The following PLCXD3 variants were observed in gnomAD, a reference collection of about 807,000 sequenced individuals.
PLCXD3 encodes the protein phosphatidylinositol specific phospholipase C X domain containing 3, also known as PI-PLC X domain-containing protein 3.
A neutral mutation model predicts 25.5 loss-of-function variants in PLCXD3; 19 were observed. That is an observed-to-expected ratio of 0.75 (90% CI 0.52 to 1.09). The LOEUF (loss-of-function observed/expected upper bound fraction) is 1.09, where lower values mean the gene tolerates loss of function less well. Among genes scored for constraint, PLCXD3 ranks in the 50% least tolerant of loss-of-function variants. The pLI, the probability that PLCXD3 is intolerant of heterozygous loss-of-function variation, is 0.00. For missense variants in PLCXD3, 411 were observed against 388.1 expected (o/e 1.06, Z -0.50); for synonymous variants, 174 against 137.6 (o/e 1.26, Z -1.85).
chr5:41,393,180 C>T lies in PLCXD3; in HGVS notation c.104-10646G>A, dbSNP rs184431959. Among the ~76,000 whole-genome samples, 218 of 152,182 alleles carry T rather than the reference C, an allele frequency of 1.4e-3. 1 individual carries two copies. Among genetic ancestry groups the T allele is most frequent in the Non-Finnish European group, 2.3e-3 (155 of 68,002 alleles). Reference sequence around the variant, plus strand: ...GGAAAATAACAGAGAACTTTCCAAACTTAGAGAAAGATATCAACATCCAAA... The same window carrying T: ...GGAAAATAACAGAGAACTTTCCAAATTTAGAGAAAGATATCAACATCCAAA... On this transcript the variant is annotated intron_variant, in intron 1 of 2. Coordinates refer to ENST00000377801, the MANE Select transcript of PLCXD3 (RefSeq NM_001005473.3).
rs1743119321 is a variant in PLCXD3 at position 41,310,821 on chromosome 5, A to G, written c.*2796T>C. The G allele has an allele frequency of 6.6e-6, 1 of 152,610 alleles. No homozygotes were observed. Among genetic ancestry groups the G allele is most frequent in the Non-Finnish European group, 1.5e-5 (1 of 68,034 alleles). 9.5% of individuals were successfully genotyped at this position (152,610 alleles called of 1,614,324 possible). On this transcript the variant is annotated 3_prime_UTR_variant, in exon 3 of 3. Transcript: ENST00000377801. Reference sequence around the variant, plus strand: ...TAAGTGCCTGCTACATAGGCACTGTATGTCCACATGGAAACCATAGCATTG... The same window carrying G: ...TAAGTGCCTGCTACATAGGCACTGTGTGTCCACATGGAAACCATAGCATTG...
In PLCXD3 at chr5:41,311,792, C is replaced by T. The variant is rs931606451; in HGVS notation, c.*1825G>A. 6.6e-6 allele frequency: 1 copy of T among 152,418 alleles called. No individual in the cohort carries two copies. The highest frequency in any genetic ancestry group is 6.5e-5 in the Admixed American group (1 of 15,274). 9.4% of individuals were successfully genotyped at this position (152,418 alleles called of 1,614,324 possible). A position where few individuals can be genotyped will look rare whatever the true frequency, so the allele number is the denominator to read the frequency against. Reference sequence around the variant, plus strand: ...TGAGTATTTATAATCTTGAAATCAACTCTTGATTATTTGTGGTCTTGACAT... The same window carrying T: ...TGAGTATTTATAATCTTGAAATCAATTCTTGATTATTTGTGGTCTTGACAT... On this transcript the variant is annotated 3_prime_UTR_variant, in exon 3 of 3. Coordinates refer to ENST00000377801, the MANE Select transcript of PLCXD3 (RefSeq NM_001005473.3).
At chr5:41,498,007 G>A (rs565193762) in intron 1 of PLCXD3, among the ~76,000 whole-genome samples, 68 of 151,626 alleles carry the variant, frequency 4.5e-4, no homozygotes, top group African/African-American at 1.6e-3. Flanking sequence ...AAAAAGATGA[G>A]ATGAAAACAC....
At chr5:41,492,699 A>G (rs1354201907) in intron 1 of PLCXD3, among the ~76,000 whole-genome samples, 1 of 151,980 alleles carries the variant, frequency 6.6e-6, no homozygotes, top group Non-Finnish European at 1.5e-5. Context: ...CGTCACTGAT[A>G]CCCTTTCTTC....
intron 1 of PLCXD3, among the ~76,000 whole-genome samples, chr5:41,486,150 G>C (rs1223619602): frequency 6.6e-6 from 1 of 152,106 alleles, no homozygotes; most frequent in African/African-American, 2.4e-5. Flanking sequence ...ATACAAGCTT[G>C]TCCAAAGCTT....
At chr5:41,408,194 T>G (rs959371402) in intron 1 of PLCXD3, among the ~76,000 whole-genome samples, 1 of 152,186 alleles carries the variant, frequency 6.6e-6, no homozygotes, top group African/African-American at 2.4e-5. Context: ...TTTTAAAGAT[T>G]ATCAGCAGGG....
At chr5:41,461,261 A>G (rs1747867375) in intron 1 of PLCXD3, among the ~76,000 whole-genome samples, 1 of 152,014 alleles carries the variant, frequency 6.6e-6, no homozygotes. Flanking sequence ...GAGAATCCTA[A>G]GTTTAAAAAA....
intron 1 of PLCXD3, among the ~76,000 whole-genome samples, chr5:41,454,723 C>T (rs906869345): frequency 1.3e-5 from 2 of 151,758 alleles, no homozygotes; most frequent in South Asian, 2.1e-4. Flanking sequence ...CAAGGAACAC[C>T]AAAAATTGCT....
chr5:41,416,899 T>A (rs975099325), intron 1 of PLCXD3, among the ~76,000 whole-genome samples: 1 of 152,128 alleles, frequency 6.6e-6, no homozygotes, highest in Non-Finnish European at 1.5e-5. Flanking sequence ...GTGAAAAGTT[T>A]GCAACCAGGA....
intron 1 of PLCXD3, among the ~76,000 whole-genome samples, chr5:41,468,312 C>G (rs1357998231): frequency 6.6e-6 from 1 of 152,122 alleles, no homozygotes; most frequent in Non-Finnish European, 1.5e-5. Flanking sequence ...GCCACTGTAC[C>G]TGGCCCAGCT....
chr5:41,419,523 G>A (rs1227380022), intron 1 of PLCXD3, among the ~76,000 whole-genome samples: 1 of 152,102 alleles, frequency 6.6e-6, no homozygotes, highest in Middle Eastern at 3.2e-3. Flanking sequence ...ACAGTAGATA[G>A]TATTTCTGCT....
intron 1 of PLCXD3, among the ~76,000 whole-genome samples, chr5:41,497,631 A>G (rs1748869800): frequency 6.6e-6 from 1 of 151,944 alleles, no homozygotes; most frequent in Non-Finnish European, 1.5e-5. Flanking sequence ...TCATCCAGAC[A>G]GAAAATCATG....
chr5:41,377,846 C>A (rs1745341316), intron 2 of PLCXD3, among the ~76,000 whole-genome samples: 1 of 152,054 alleles, frequency 6.6e-6, no homozygotes. Context: ...AATGGAGGAT[C>A]TTGGAACTGT....
At chr5:41,457,464 T>A (rs1429617804) in intron 1 of PLCXD3, among the ~76,000 whole-genome samples, 2 of 151,870 alleles carry the variant, frequency 1.3e-5, no homozygotes, top group Non-Finnish European at 2.9e-5. Context: ...CCAAATCTCC[T>A]CTCAGATGAT....
intron 1 of PLCXD3, among the ~76,000 whole-genome samples, chr5:41,394,656 G>T (rs1031165355): frequency 2.0e-5 from 3 of 151,806 alleles, no homozygotes; most frequent in African/African-American, 7.3e-5. Flanking sequence ...AAAAAGAACA[G>T]GAATAGCTAT....
chr5:41,477,586 TCC>T (rs1212082772), intron 1 of PLCXD3, among the ~76,000 whole-genome samples: 1,560 of 152,078 alleles, frequency 0.01, 21 homozygotes, highest in African/African-American at 0.035. Context: ...GATCAAGATG[TCC>T]CTCCCATGAT....
At chr5:41,365,289 A>C (rs944221500) in intron 2 of PLCXD3, among the ~76,000 whole-genome samples, 1 of 152,210 alleles carries the variant, frequency 6.6e-6, no homozygotes, top group Non-Finnish European at 1.5e-5. Context: ...CACCTGATAT[A>C]TGGGCATAAA....
At chr5:41,495,759 T>G (rs932723738) in intron 1 of PLCXD3, among the ~76,000 whole-genome samples, 1 of 152,222 alleles carries the variant, frequency 6.6e-6, no homozygotes, top group African/African-American at 2.4e-5. Flanking sequence ...GATTGATGAA[T>G]GCCTTTCCCT....
At chr5:41,416,755 C>A (rs1327761674) in intron 1 of PLCXD3, among the ~76,000 whole-genome samples, 2 of 152,156 alleles carry the variant, frequency 1.3e-5, no homozygotes, top group Non-Finnish European at 2.9e-5. Flanking sequence ...ACCATCATAT[C>A]CTTTTGCCTA....
Sources: gnomAD v4.1 joint callset for allele counts (sites outside exome capture counted in the v4.1 genomes callset) on GRCh38, gnomAD v4.1.1 for gene constraint, MANE v1.5 for transcripts, NCBI Gene and HGNC (gene_info 2026-07-23, HGNC 2026-07-21) for gene names.